The following CADPS variants were observed in gnomAD, a reference collection of about 807,000 sequenced individuals.
CADPS encodes the protein calcium dependent secretion activator.
Under a neutral mutation model 167.3 loss-of-function variants are expected in CADPS, and 57 were observed. The observed-to-expected ratio is 0.34, with a 90% CI of 0.28 to 0.42. The LOEUF is 0.42. CADPS is among the 20% of genes least tolerant of loss of function. CADPS has a pLI of 1.00. For synonymous variants in CADPS, 676 were observed against 635.3 expected (o/e 1.06, Z -0.96); for missense variants, 1,414 against 1,738.1 (o/e 0.81, Z 3.32).
At chr3:62,786,345 GTACCCA>G (rs1265240444) in intron 1 of CADPS, among the ~76,000 whole-genome samples, 1 of 151,940 alleles carries the variant, frequency 6.6e-6, no homozygotes, top group Admixed American at 6.6e-5. Context: ...ATGTGAGGAT[GTACCCA>G]TATATTTGAC....
chr3:62,809,569 T>A (rs1036672294), intron 1 of CADPS, among the ~76,000 whole-genome samples: 1 of 152,204 alleles, frequency 6.6e-6, no homozygotes, highest in Non-Finnish European at 1.5e-5. Context: ...GACTGCCCAG[T>A]CTAAAGTAGC....
At chr3:62,538,215 G>A (rs909311484) in intron 11 of CADPS, among the ~76,000 whole-genome samples, 11 of 151,968 alleles carry the variant, frequency 7.2e-5, no homozygotes, top group African/African-American at 2.2e-4. Context: ...CTTTCAGTTC[G>A]GTTGTTTGGT....
At chr3:62,852,390 C>T (rs558729784) in intron 1 of CADPS, among the ~76,000 whole-genome samples, 9 of 152,176 alleles carry the variant, frequency 5.9e-5, no homozygotes, top group South Asian at 2.1e-4. Context: ...AGCTGTAGAC[C>T]GGAGCTGTTC....
chr3:62,593,665 C>G (rs1336296891), intron 6 of CADPS, among the ~76,000 whole-genome samples: 1 of 152,206 alleles, frequency 6.6e-6, no homozygotes, highest in Admixed American at 6.5e-5. Flanking sequence ...CCATCTCAGA[C>G]CTGTTACATG....
At chr3:62,865,385 T>TA (rs35780515) in intron 1 of CADPS, among the ~76,000 whole-genome samples, 1,125 of 110,052 alleles carry the variant, frequency 0.01, 5 homozygotes, top group East Asian at 0.022. Flanking sequence ...ACTTAAGGAT[T>TA]AAAAAAAAAA....
In CADPS at chr3:62,534,410, A is replaced by G. The variant is rs192655018; in HGVS notation, c.2104-1352T>C. Among the ~76,000 whole-genome samples the G allele has an allele frequency of 2.1e-4, 32 of 152,256 alleles. No homozygotes were observed. The East Asian group carries it at 5.6e-3, about 27-fold the overall frequency. On this transcript the variant is annotated intron_variant, in intron 12 of 29. Transcript: ENST00000383710. ...AACATGCAGCTCAGTGATGCATCCAACGAAAGACGGCATCTTTCCTGTTTC... is the reference window on the plus strand; with the variant it reads ...AACATGCAGCTCAGTGATGCATCCAGCGAAAGACGGCATCTTTCCTGTTTC...
At chr3:62,769,726 T>C (rs1230396276) in intron 1 of CADPS, among the ~76,000 whole-genome samples, 3 of 152,156 alleles carry the variant, frequency 2.0e-5, no homozygotes, top group Non-Finnish European at 4.4e-5. Context: ...TAGTTATTTA[T>C]TTAAACTCAA....
intron 9 of CADPS, among the ~76,000 whole-genome samples, chr3:62,562,868 A>G (rs2079425635): frequency 6.6e-6 from 1 of 152,224 alleles, no homozygotes; most frequent in Admixed American, 6.5e-5. Flanking sequence ...TTGGCACCAC[A>G]CTGGGCCAAA....
chr3:62,422,281 C>G, intron 28 of CADPS, among the ~76,000 whole-genome samples: 1 of 152,038 alleles, frequency 6.6e-6, no homozygotes, highest in Non-Finnish European at 1.5e-5. Context: ...AGCCACTGCC[C>G]CTGAGCCCCC....
At chr3:62,803,541 G>A (rs1024045216) in intron 1 of CADPS, among the ~76,000 whole-genome samples, 2 of 152,004 alleles carry the variant, frequency 1.3e-5, no homozygotes, top group African/African-American at 4.8e-5. Flanking sequence ...CTTGCCCCAC[G>A]TGTCAACAGT....
chr3:62,781,821 C>G (rs989062712), intron 1 of CADPS, among the ~76,000 whole-genome samples: 1 of 152,064 alleles, frequency 6.6e-6, no homozygotes, highest in African/African-American at 2.4e-5. Flanking sequence ...CCTTTGGAAG[C>G]TTGTCTCTTT....
At chr3:62,587,227 T>C (rs1179939300) in intron 7 of CADPS, among the ~76,000 whole-genome samples, 1 of 152,208 alleles carries the variant, frequency 6.6e-6, no homozygotes, top group Non-Finnish European at 1.5e-5. Flanking sequence ...TAAAGGTTGA[T>C]TTAGTTAAAG....
chr3:62,679,845 G>C (rs762320830), intron 3 of CADPS, among the ~76,000 whole-genome samples: 22 of 152,024 alleles, frequency 1.4e-4, no homozygotes, highest in Non-Finnish European at 2.5e-4. Context: ...GGAGTCATTA[G>C]ATGGAAGAGG....
At chr3:62,744,967 G>A (rs1190300958) in intron 3 of CADPS, among the ~76,000 whole-genome samples, 1 of 152,168 alleles carries the variant, frequency 6.6e-6, no homozygotes, top group Non-Finnish European at 1.5e-5. Flanking sequence ...GAAAAACCAC[G>A]ATGGGGTCTT....
chr3:62,508,128 A>G (rs6445275), intron 17 of CADPS, among the ~76,000 whole-genome samples: 122,059 of 152,100 alleles, frequency 0.8, 49,526 homozygotes, highest in Middle Eastern at 0.91. Context: ...TGTGGATGCT[A>G]GATGTCATCA....
chr3:62,754,870 T>C (rs2083505261), intron 2 of CADPS, among the ~76,000 whole-genome samples: 1 of 152,230 alleles, frequency 6.6e-6, no homozygotes, highest in Non-Finnish European at 1.5e-5. Context: ...TACCTCCTTT[T>C]ATCCCTTCAA....
Position 62,412,841 on chromosome 3 carries a change from G to A in CADPS, c.3778-9656C>T, listed in dbSNP as rs1236111102. On this transcript the variant is annotated intron_variant, in intron 28 of 29. Coordinates refer to ENST00000383710, the MANE Select transcript of CADPS (RefSeq NM_003716.4). This position sits in a 1 kb window ranked among gnomAD's most constrained non-coding sequence, Gnocchi z 4.1. ...ATGAACTATCTAGGGGTCTCTCTCTGGAAGACACATCTAGTGGGGAATTTT... is the reference window on the plus strand; with the variant it reads ...ATGAACTATCTAGGGGTCTCTCTCTAGAAGACACATCTAGTGGGGAATTTT... Among the ~76,000 whole-genome samples the A allele has an allele frequency of 6.6e-6, 1 of 152,154 alleles. No individual in the cohort carries two copies. The highest frequency in any genetic ancestry group is 2.4e-5 in the African/African-American group (1 of 41,436).
chr3:62,673,564 T>A (rs1273434913), intron 3 of CADPS, among the ~76,000 whole-genome samples: 1 of 152,226 alleles, frequency 6.6e-6, no homozygotes, highest in Admixed American at 6.5e-5. Flanking sequence ...CATTATGTTA[T>A]GAACTGTGAG....
intron 1 of CADPS, among the ~76,000 whole-genome samples, chr3:62,781,093 G>C (rs2091487262): frequency 6.6e-6 from 1 of 152,284 alleles, no homozygotes; most frequent in Non-Finnish European, 1.5e-5. Context: ...GATATACTCA[G>C]ATAAGCAACC....
Sources: allele counts gnomAD v4.1 joint callset (sites outside exome capture counted in the v4.1 genomes callset), GRCh38; gene constraint gnomAD v4.1.1; non-coding constraint Gnocchi (gnomAD v3.1); transcripts MANE v1.5; gene names NCBI Gene and HGNC (gene_info 2026-07-23, HGNC 2026-07-21).